The following ADK variants were observed in gnomAD, a reference collection of about 807,000 sequenced individuals.
ADK encodes adenosine kinase.
Under a neutral mutation model 44.7 loss-of-function variants are expected in ADK, and 24 were observed. The observed-to-expected ratio is 0.54, with a 90% CI of 0.39 to 0.76. The LOEUF is 0.76. Among genes scored for constraint, ADK ranks in the 30% least tolerant of loss-of-function variants. The probability of loss-of-function intolerance (pLI) is 0.00; values close to 1 mark genes in which losing one functional copy is unlikely to be tolerated. For synonymous variants in ADK, 128 were observed against 142.6 expected (o/e 0.90, Z 0.73); for missense variants, 321 against 425.1 (o/e 0.76, Z 2.15).
At chr10:74,217,024 A>G (rs1844067155) in intron 2 of ADK, among the ~76,000 whole-genome samples, 2 of 152,236 alleles carry the variant, frequency 1.3e-5, no homozygotes, top group Admixed American at 1.3e-4. Flanking sequence ...GGCGCAGGTC[A>G]GTGCGTGCAG....
At chr10:74,195,702 TC>T (rs1564585556) in intron 1 of ADK, among the ~76,000 whole-genome samples, 3 of 97,104 alleles carry the variant, frequency 3.1e-5, no homozygotes, top group African/African-American at 7.7e-5. Context: ...CTTTTTCTTT[TC>T]TTTCTTTTTT....
At chr10:74,323,882 C>T (rs1161628205) in intron 4 of ADK, among the ~76,000 whole-genome samples, 1 of 151,888 alleles carries the variant, frequency 6.6e-6, no homozygotes, top group Non-Finnish European at 1.5e-5. Context: ...ACAATATTTT[C>T]ATTATCAAAT....
At chr10:74,571,624 C>T (rs1489113955) in intron 7 of ADK, among the ~76,000 whole-genome samples, 1 of 152,060 alleles carries the variant, frequency 6.6e-6, no homozygotes, top group African/African-American at 2.4e-5. Flanking sequence ...TCTGTGGGAT[C>T]GGTGGTGATA....
intron 4 of ADK, among the ~76,000 whole-genome samples, chr10:74,317,115 GT>G (rs975674125): frequency 1.3e-5 from 2 of 152,094 alleles, no homozygotes; most frequent in Non-Finnish European, 2.9e-5. Flanking sequence ...GTCAAATCAT[GT>G]TTTTGAAGAT....
chr10:74,185,037 C>T (rs185945916), intron 1 of ADK, among the ~76,000 whole-genome samples: 2 of 152,086 alleles, frequency 1.3e-5, no homozygotes, highest in Non-Finnish European at 2.9e-5. Context: ...GTTTCCTCAT[C>T]CGTTAAAAAG....
chr10:74,481,038 A>G (rs1261226833), intron 6 of ADK, among the ~76,000 whole-genome samples: 1 of 150,862 alleles, frequency 6.6e-6, no homozygotes, highest in Non-Finnish European at 1.5e-5. Context: ...TCATTTTTTC[A>G]GTGTACCTTT....
intron 6 of ADK, among the ~76,000 whole-genome samples, chr10:74,410,881 A>T (rs1844151650): frequency 1.3e-5 from 2 of 152,190 alleles, no homozygotes; most frequent in Admixed American, 1.3e-4. Flanking sequence ...AGCTCTTTAT[A>T]TATAGCATTA....
chr10:74,317,170 T>G (rs542735528), intron 4 of ADK, among the ~76,000 whole-genome samples: 2 of 152,364 alleles, frequency 1.3e-5, no homozygotes, highest in East Asian at 3.9e-4. Flanking sequence ...GGTTGATATC[T>G]TGTCCAAACA....
chr10:74,200,219 C>T (rs1427097605), intron 1 of ADK, among the ~76,000 whole-genome samples: 2 of 136,144 alleles, frequency 1.5e-5, no homozygotes, highest in Admixed American at 7.8e-5. Flanking sequence ...CACAGTGGCT[C>T]ACACCTGTAA....
chr10:74,571,592 T>G (rs1476347652), intron 7 of ADK, among the ~76,000 whole-genome samples: 2 of 152,234 alleles, frequency 1.3e-5, no homozygotes, highest in African/African-American at 4.8e-5. Context: ...GTTTATAGTA[T>G]TCTCTGATGG....
chr10:74,393,729 C>T (rs890022622), intron 4 of ADK, among the ~76,000 whole-genome samples: 8 of 152,212 alleles, frequency 5.3e-5, no homozygotes, highest in African/African-American at 1.9e-4. Flanking sequence ...TATGCTCTAA[C>T]ATGCTCTAAC....
intron 7 of ADK, among the ~76,000 whole-genome samples, chr10:74,525,891 G>A (rs1426735203): frequency 6.6e-6 from 1 of 152,132 alleles, no homozygotes; most frequent in Non-Finnish European, 1.5e-5. Flanking sequence ...CTGACCTCAG[G>A]TGATCTGATC....
chr10:74,454,821 G>T (rs938456228), intron 6 of ADK, among the ~76,000 whole-genome samples: 5 of 152,142 alleles, frequency 3.3e-5, no homozygotes, highest in Admixed American at 3.3e-4. Context: ...GGTGAAACTT[G>T]GCAAGGCCTT....
chr10:74,182,607 G>C (rs1349637148), intron 1 of ADK, among the ~76,000 whole-genome samples: 1 of 152,144 alleles, frequency 6.6e-6, no homozygotes, highest in Non-Finnish European at 1.5e-5. Context: ...GACCTCAGGT[G>C]ATTCTCCTGC....
intron 4 of ADK, among the ~76,000 whole-genome samples, chr10:74,330,132 C>T (rs1411979140): frequency 6.6e-6 from 1 of 152,152 alleles, no homozygotes; most frequent in East Asian, 1.9e-4. Flanking sequence ...TCTGCCACTG[C>T]ATTCCAGCCT....
At chr10:74,357,979 C>A (rs565782675) in intron 4 of ADK, among the ~76,000 whole-genome samples, 22 of 152,136 alleles carry the variant, frequency 1.4e-4, no homozygotes, top group African/African-American at 4.8e-4. Flanking sequence ...ATGAAATATT[C>A]ACTTAAAAAC....
At chr10:74,182,878 C>T (rs1842613344) in intron 1 of ADK, among the ~76,000 whole-genome samples, 1 of 152,158 alleles carries the variant, frequency 6.6e-6, no homozygotes, top group African/African-American at 2.4e-5. Context: ...GGTTAACAGT[C>T]ACGTCTCCCT....
chr10:74,188,707 T>A (rs952094822), intron 1 of ADK, among the ~76,000 whole-genome samples: 2 of 152,122 alleles, frequency 1.3e-5, no homozygotes, highest in African/African-American at 4.8e-5. Context: ...CTTTTTTGAG[T>A]TAGAAGTTTA....
intron 10 of ADK, 81 bp downstream of exon 10, chr10:74,670,350 A>G: frequency 1.9e-6 from 2 of 1,033,126 alleles, no homozygotes; most frequent in Non-Finnish European, 3.0e-6. Context: ...AGATTTATTC[A>G]TTTAGTAACT....
Sources: gnomAD v4.1 joint callset for allele counts (sites outside exome capture counted in the v4.1 genomes callset) on GRCh38, gnomAD v4.1.1 for gene constraint, MANE v1.5 for transcripts, NCBI Gene and HGNC (gene_info 2026-07-23, HGNC 2026-07-21) for gene names.